The following TRIM37 variants were observed in gnomAD, a reference collection of about 807,000 sequenced individuals.
The protein encoded by TRIM37 is E3 ubiquitin-protein ligase TRIM37.
Under a neutral mutation model 129.8 loss-of-function variants are expected in TRIM37, and 80 were observed. That is an observed-to-expected ratio of 0.62 (90% CI 0.51 to 0.74). The LOEUF (loss-of-function observed/expected upper bound fraction) is 0.74. Ranked by LOEUF, TRIM37 falls within the 30% of genes least tolerant of loss-of-function variation. The pLI is 0.00. For missense variants in TRIM37, 1,054 were observed against 1,176.5 expected, an observed-to-expected ratio of 0.90 and a Z score of 1.52; for synonymous variants, 389 against 387.1, an observed-to-expected ratio of 1.00 and a Z score of -0.06.
At chr17:59,037,235 G>A (rs954864831) in intron 17 of TRIM37, among the ~76,000 whole-genome samples, 22 of 151,916 alleles carry the variant, frequency 1.4e-4, no homozygotes, top group Admixed American at 9.2e-4. Flanking sequence ...GTGTCACCCC[G>A]ATCTAGCTTT....
At position 59,095,482 on chromosome 17, in the gene TRIM37, A is replaced by C. The variant is rs534406349; in HGVS notation, c.124-4142T>G. On this transcript the variant is annotated intron_variant, in intron 2 of 23. Transcript: ENST00000262294. ...TAAGTAGATGGCAAGGTTGCAGGGA[A>C]ATGGAGTGGAAAACACTCTTTTAAA... Among the ~76,000 whole-genome samples, 20 of 152,278 alleles carry C rather than the reference A, an allele frequency of 1.3e-4. No individual in the cohort carries two copies. The East Asian group carries it at 3.9e-3, about 29-fold the overall frequency.
At chr17:59,043,979 A>G (rs1185907686) in intron 16 of TRIM37, among the ~76,000 whole-genome samples, 1 of 152,198 alleles carries the variant, frequency 6.6e-6, no homozygotes. Flanking sequence ...GCATCTGTGC[A>G]TTCAACCAAC....
At chr17:59,092,196 C>G (rs2044456273) in intron 2 of TRIM37, among the ~76,000 whole-genome samples, 1 of 151,970 alleles carries the variant, frequency 6.6e-6, no homozygotes, top group South Asian at 2.1e-4. Flanking sequence ...TGATGGAGAC[C>G]AGCCTGGCCA....
intron 12 of TRIM37, among the ~76,000 whole-genome samples, chr17:59,058,396 G>A (rs2041168285): frequency 6.6e-6 from 1 of 152,114 alleles, no homozygotes; most frequent in East Asian, 1.9e-4. Context: ...CAGAGGGTGG[G>A]AAAAAGGAGA....
At chr17:59,092,518 A>T in intron 2 of TRIM37, among the ~76,000 whole-genome samples, 1 of 152,200 alleles carries the variant, frequency 6.6e-6, no homozygotes, top group Middle Eastern at 3.4e-3. Flanking sequence ...CTAAACCAAA[A>T]ATTATATTAA....
At chr17:59,029,268 A>G (rs974332130) in intron 18 of TRIM37, among the ~76,000 whole-genome samples, 1 of 152,192 alleles carries the variant, frequency 6.6e-6, no homozygotes, top group Non-Finnish European at 1.5e-5. Context: ...TCTGTACAAA[A>G]AAAAATTTTT....
chr17:58,988,600 C>T (rs2032039443), intron 24 of TRIM37, among the ~76,000 whole-genome samples: 1 of 152,092 alleles, frequency 6.6e-6, no homozygotes, highest in African/African-American at 2.4e-5. Context: ...GCAACCTAAT[C>T]CAAGAACGCC....
intron 3 of TRIM37, among the ~76,000 whole-genome samples, chr17:59,090,519 G>A (rs936255355): frequency 1.3e-5 from 2 of 152,168 alleles, no homozygotes; most frequent in African/African-American, 4.8e-5. Flanking sequence ...TAAGTGAGAA[G>A]ACAGGGTAGG....
At chr17:59,065,379 GATGA>G (rs1031823510) in intron 9 of TRIM37, among the ~76,000 whole-genome samples, 1 of 152,096 alleles carries the variant, frequency 6.6e-6, no homozygotes, top group African/African-American at 2.4e-5. Context: ...ATTTTTATAG[GATGA>G]ATACCTCATC....
chr17:59,074,501 G>A (rs562732748), intron 8 of TRIM37, among the ~76,000 whole-genome samples: 1 of 152,164 alleles, frequency 6.6e-6, no homozygotes, highest in African/African-American at 2.4e-5. Flanking sequence ...AAGCCAAATT[G>A]TCAATCAAGT....
chr17:59,057,885 G>A (rs1286689032), intron 12 of TRIM37, among the ~76,000 whole-genome samples: 8 of 151,868 alleles, frequency 5.3e-5, no homozygotes, highest in African/African-American at 9.7e-5. Flanking sequence ...TTTTTTCCTC[G>A]TAAAGATGTT....
chr17:59,022,425 T>G (rs1467134814), intron 19 of TRIM37, among the ~76,000 whole-genome samples: 1 of 152,198 alleles, frequency 6.6e-6, no homozygotes, highest in Non-Finnish European at 1.5e-5. Context: ...AGCTTCAGTT[T>G]AAAAAGAAAA....
At chr17:59,042,177 C>A (rs1296162145) in intron 16 of TRIM37, among the ~76,000 whole-genome samples, 1 of 149,752 alleles carries the variant, frequency 6.7e-6, no homozygotes, top group Non-Finnish European at 1.5e-5. Context: ...GAGATCGAGA[C>A]CATCCTGGCT....
chr17:59,049,179 T>C lies in TRIM37; in HGVS notation c.1529A>G (p.His510Arg). ...ATCTAAAACTGGCCTCATTATTACA[T>C]GATAATCTTCATTCTGAATCTTCTC... ...DEEKIQNEDYHHELSDGDLDL... is the reference protein window; with the variant it reads ...DEEKIQNEDYRHELSDGDLDL... Residue 510 changes from histidine (H) to arginine (R), a missense_variant and splice_region_variant, in exon 15 of 24, where the codon CAT (histidine) becomes CGT (arginine). Around this residue, in one of 3 missense-constraint regions of TRIM37, gnomAD observed 752 missense variants for 870.8 expected, o/e 0.86. Transcript: ENST00000262294. 2 of 1,613,720 alleles carry C rather than the reference T, an allele frequency of 1.2e-6. No individual in the cohort carries two copies. The highest frequency in any genetic ancestry group is 1.7e-6 in the Non-Finnish European group (2 of 1,179,610).
intron 17 of TRIM37, 106 bp downstream of exon 17, chr17:59,041,707 T>C (rs1384887930): frequency 1.2e-6 from 1 of 824,442 alleles, no homozygotes; most frequent in Admixed American, 1.9e-5. Flanking sequence ...TCCAACACCA[T>C]GAACCATGTA....
Position 59,082,326 on chromosome 17 carries a change from C to A in TRIM37, c.370-1107G>T, listed in dbSNP as rs1298752402. Among the ~76,000 whole-genome samples the A allele has an allele frequency of 2.0e-5, 3 of 152,158 alleles. No homozygotes were observed. In the East Asian group the frequency reaches 5.8e-4, roughly 29 times the overall value. Reference sequence around the variant, plus strand: ...TAATTCTCCATCTTCCCTCTCCCATCTTGGTTTGTCTTAATCCTACTCATC... The same window carrying A: ...TAATTCTCCATCTTCCCTCTCCCATATTGGTTTGTCTTAATCCTACTCATC... On this transcript the variant is annotated intron_variant, in intron 5 of 23. Transcript: ENST00000262294.
intron 20 of TRIM37, among the ~76,000 whole-genome samples, chr17:59,016,739 C>T (rs1030687081): frequency 2.6e-5 from 4 of 151,352 alleles, no homozygotes; most frequent in Non-Finnish European, 4.4e-5. Context: ...GCTATGATTG[C>T]ACCACTGCAT....
At chr17:59,094,364 CATAAA>C (rs1568240199) in intron 2 of TRIM37, among the ~76,000 whole-genome samples, 3 of 151,990 alleles carry the variant, frequency 2.0e-5, no homozygotes, top group Non-Finnish European at 2.9e-5. Context: ...AAATCATAAA[CATAAA>C]ATAAAATTAA....
At chr17:58,993,392 T>C (rs2032647430), downstream of TRIM37, among the ~76,000 whole-genome samples, 1 of 152,174 alleles carries the variant, frequency 6.6e-6, no homozygotes, top group Non-Finnish European at 1.5e-5. Flanking sequence ...CACCCTAAAC[T>C]AGAAATAACC....
Sources: gnomAD v4.1 joint callset for allele counts (sites outside exome capture counted in the v4.1 genomes callset) on GRCh38, gnomAD v4.1.1 for gene constraint, gnomAD v4.1.1 regional missense constraint, MANE v1.5 for transcripts, NCBI Gene and HGNC (gene_info 2026-07-23, HGNC 2026-07-21) for gene names.